The following CARS1 variants were observed in gnomAD, a reference collection of about 807,000 sequenced individuals.
CARS1 encodes cysteinyl-tRNA synthetase 1.
CARS1 carries 48 observed loss-of-function variants against 106.2 expected under a neutral mutation model. The ratio of observed to expected loss-of-function variants is 0.45; its 90% CI spans 0.36 to 0.57. The LOEUF is 0.57. Among genes scored for constraint, CARS1 ranks in the 20% least tolerant of loss-of-function variants. The pLI, the probability that CARS1 is intolerant of heterozygous loss-of-function variation, is 0.00. For missense variants in CARS1, 968 were observed against 1,057.2 expected (o/e 0.92, Z 1.17); for synonymous variants, 409 against 403.4 (o/e 1.01, Z -0.17).
Position 3,001,970 on chromosome 11 carries a change from A to G in CARS1, c.2361T>C (p.Asn787=). The stretch of plus-strand genomic sequence containing the variant: ...AAGAGAAGGATGCTTACATGCTTAC[A>G]TTTTCATCAAACTTGGAGTATTTGT... The part of the protein sequence containing the change: ...ETDKYSKFDE[N]GLPTHDMEGK... The change falls in exon 22 of 23, where the codon AAT becomes AAC. Residue 787 remains asparagine (N), a splice_region_variant and synonymous_variant. Coordinates refer to ENST00000380525, the MANE Select transcript of CARS1 (RefSeq NM_001014437.3). The G allele has an allele frequency of 1.2e-6, 2 of 1,607,814 alleles. No individual in the cohort carries two copies. Among genetic ancestry groups the G allele is most frequent in the Non-Finnish European group, 1.7e-6 (2 of 1,174,296 alleles).
chr11:3,014,521 C>A (rs768922797), intron 17 of CARS1, among the ~76,000 whole-genome samples: 1 of 152,206 alleles, frequency 6.6e-6, no homozygotes, highest in South Asian at 2.1e-4. Flanking sequence ...CCACAGCAGC[C>A]GTTAAGATGA....
Position 3,048,104 on chromosome 11 carries a change from T to C in CARS1, c.26-103A>G. On this transcript the variant is annotated intron_variant, in intron 1 of 22. Coordinates refer to ENST00000380525, the MANE Select transcript of CARS1 (RefSeq NM_001014437.3). This position sits in a 1 kb window ranked among gnomAD's most constrained non-coding sequence, Gnocchi z 5.1. ...GATGGCACAGAACCAAGGAAAAAGGTGTTCAAGCCCTTCCCTGGACGCCAA... is the reference window on the plus strand; with the variant it reads ...GATGGCACAGAACCAAGGAAAAAGGCGTTCAAGCCCTTCCCTGGACGCCAA... 7.1e-7 allele frequency: 1 copy of C among 1,407,948 alleles called. No homozygotes were observed. The highest frequency in any genetic ancestry group is 9.6e-7 in the Non-Finnish European group (1 of 1,045,048). The allele number at this position is 1,407,948 out of a possible 1,614,324, so 87.2% of individuals were successfully genotyped here. A position where few individuals can be genotyped will look rare whatever the true frequency, so the allele number is the denominator to read the frequency against.
intron 14 of CARS1, 127 bp from the exon 15 acceptor site, chr11:3,018,081 G>A (rs1565042934): frequency 6.1e-6 from 4 of 652,696 alleles, no homozygotes; most frequent in East Asian, 2.7e-5. Context: ...TACACAAGTG[G>A]TCAGAAAGAA....
In CARS1 at chr11:3,018,465, G is replaced by A; in HGVS notation, c.1572C>T (p.Thr524=). Residue 524 remains threonine, a synonymous_variant, in exon 14 of 23, where the codon ACC becomes ACT. Coordinates refer to ENST00000380525, the MANE Select transcript of CARS1 (RefSeq NM_001014437.3). ...CCATGGTGTTGCTGGAGTAGTCCAG[G>A]GTGTCCTTCCACGAGTGCATGAGGA... ...LAFLMHSWKD[T]LDYSSNTMES... is the part of the protein sequence containing the mutation. 5.6e-6 allele frequency: 9 copies of A among 1,614,096 alleles called. No homozygotes were observed. The highest frequency in any genetic ancestry group is 7.6e-6 in the Non-Finnish European group (9 of 1,179,984).
Position 3,019,178 on chromosome 11 carries a change from GA to G in CARS1, c.1355del (p.Leu452ProfsTer32). 1 of 1,528,756 alleles carries G rather than the reference GA, an allele frequency of 6.5e-7. No individual in the cohort carries two copies. The highest frequency in any genetic ancestry group is 2.3e-5 in the Admixed American group (1 of 43,910). The allele number at this position is 1,528,756 out of a possible 1,614,324, so 94.7% of individuals were successfully genotyped here. On this transcript the variant is annotated frameshift_variant, in exon 12 of 23. Coordinates refer to ENST00000380525, the MANE Select transcript of CARS1 (RefSeq NM_001014437.3). LOFTEE classifies it high-confidence loss of function. This position sits in a 1 kb window ranked among gnomAD's most constrained non-coding sequence, Gnocchi z 6.2. ...SMDIHGGGFDLRFPHHDNELA... is the reference protein window; with the variant it reads ...SMDIHGGGFDXRFPHHDNELA... Reference sequence around the variant, plus strand: ...GCTCATTGTCATGGTGGGGGAACCGGAGGTCGAACCCACCTCCGTGAATGTC... The same window carrying G: ...GCTCATTGTCATGGTGGGGGAACCGGGGTCGAACCCACCTCCGTGAATGTC...
In CARS1 at chr11:3,028,255, C is replaced by G. The variant is rs138266176; in HGVS notation, c.1031+741G>C. 14,518 of 464,352 alleles carry G rather than the reference C, an allele frequency of 0.031. 314 individuals are homozygous for G. Among genetic ancestry groups the G allele is most frequent in the Non-Finnish European group, 0.043 (10,637 of 248,036 alleles). 28.8% of individuals were successfully genotyped at this position (464,352 alleles called of 1,614,324 possible). On this transcript the variant is annotated intron_variant, in intron 9 of 22. Transcript: ENST00000380525. The surrounding 1 kb of genome is among the most constrained non-coding windows in gnomAD (Gnocchi z 4.4). ...ATGGCTCACTCTCCTTAACCTACCC[C>G]TTTGTCTTGTATCCAATAAATATCA...
In CARS1 at chr11:3,017,968, A is replaced by G. The variant is rs539620392; in HGVS notation, c.1630-14T>C. The G allele has an allele frequency of 6.3e-7, 1 of 1,590,422 alleles. No individual in the cohort carries two copies. The highest frequency in any genetic ancestry group is 1.3e-5 in the African/African-American group (1 of 74,530). ...TAAGAAAAACTCCTGAAGTTAGAAAAATCAGTTTAACAGCATTTAGGCAAC... is the reference window on the plus strand; with the variant it reads ...TAAGAAAAACTCCTGAAGTTAGAAAGATCAGTTTAACAGCATTTAGGCAAC... On this transcript the variant is annotated splice_polypyrimidine_tract_variant and intron_variant, in intron 14 of 22. Transcript: ENST00000380525. This position sits in a 1 kb window ranked among gnomAD's most constrained non-coding sequence, Gnocchi z 4.9.
In CARS1 at chr11:3,039,028, G is replaced by A. The variant is rs1358955378; in HGVS notation, c.651+166C>T. On this transcript the variant is annotated intron_variant, in intron 6 of 22. Transcript: ENST00000380525. This position sits in a 1 kb window ranked among gnomAD's most constrained non-coding sequence, Gnocchi z 5.6. Reference sequence around the variant, plus strand: ...GCTGGTGACTTTGTCACAGGCCAGGGGACCTTACCTATGGAGACTTCAGCG... The same window carrying A: ...GCTGGTGACTTTGTCACAGGCCAGGAGACCTTACCTATGGAGACTTCAGCG... 1.3e-5 allele frequency among the ~76,000 whole-genome samples: 2 copies of A among 152,192 alleles called. No homozygotes were observed. Among genetic ancestry groups the A allele is most frequent in the African/African-American group, 4.8e-5 (2 of 41,456 alleles).
chr11:3,028,162 C>A lies in CARS1; in HGVS notation c.1031+834G>T. On this transcript the variant is annotated intron_variant, in intron 9 of 22. Coordinates refer to ENST00000380525, the MANE Select transcript of CARS1 (RefSeq NM_001014437.3). The surrounding 1 kb of genome is among the most constrained non-coding windows in gnomAD (Gnocchi z 4.4). ...TGTCTCCTCTCTCTCTCTGCCTTGGCTGCCAGGCAGGGAAGGGCCCCCTGT... is the reference window on the plus strand; with the variant it reads ...TGTCTCCTCTCTCTCTCTGCCTTGGATGCCAGGCAGGGAAGGGCCCCCTGT... 1 of 309,058 alleles carries A rather than the reference C, an allele frequency of 3.2e-6. No individual in the cohort carries two copies. Among genetic ancestry groups the A allele is most frequent in the Admixed American group, 4.5e-5 (1 of 22,164 alleles). The allele number at this position is 309,058 out of a possible 1,614,324, so 19.1% of individuals were successfully genotyped here.
In CARS1 at chr11:3,039,959, C is replaced by T; in HGVS notation, c.456-28G>A. 1 of 1,184,040 alleles carries T rather than the reference C, an allele frequency of 8.4e-7. No homozygotes were observed. The highest frequency in any genetic ancestry group is 1.2e-6 in the Non-Finnish European group (1 of 812,640). The allele number at this position is 1,184,040 out of a possible 1,614,324, so 73.3% of individuals were successfully genotyped here. A position where few individuals can be genotyped will look rare whatever the true frequency, so the allele number is the denominator to read the frequency against. On this transcript the variant is annotated intron_variant, in intron 4 of 22. Coordinates refer to ENST00000380525, the MANE Select transcript of CARS1 (RefSeq NM_001014437.3). The surrounding 1 kb of genome is among the most constrained non-coding windows in gnomAD (Gnocchi z 5.6). Reference sequence around the variant, plus strand: ...AAAGCAATGAAAAAACAAACATTTCCACACCAGACGATATGTATAGCTTAA... The same window carrying T: ...AAAGCAATGAAAAAACAAACATTTCTACACCAGACGATATGTATAGCTTAA...
chr11:3,029,200 T>C lies in CARS1; in HGVS notation c.942+103A>G. ...ATTATGCCCCTCAACTCAAGTTCAA[T>C]GTTGACTTGGCCGCTTAATTGAGCT... On this transcript the variant is annotated intron_variant, in intron 8 of 22. Coordinates refer to ENST00000380525, the MANE Select transcript of CARS1 (RefSeq NM_001014437.3). The surrounding 1 kb of genome is among the most constrained non-coding windows in gnomAD (Gnocchi z 5.9). 4 of 1,473,356 alleles carry C rather than the reference T, an allele frequency of 2.7e-6. No individual in the cohort carries two copies. Among genetic ancestry groups the C allele is most frequent in the Non-Finnish European group, 3.8e-6 (4 of 1,056,258 alleles). 91.3% of individuals were successfully genotyped at this position (1,473,356 alleles called of 1,614,324 possible).
chr11:3,049,703 C>T (rs1441913715), intron 1 of CARS1, among the ~76,000 whole-genome samples: 1 of 152,212 alleles, frequency 6.6e-6, no homozygotes, highest in Non-Finnish European at 1.5e-5. Context: ...CCTTCCTGGG[C>T]ACAGGCTGCC....
chr11:3,012,502 G>A (rs1216345406), intron 17 of CARS1, among the ~76,000 whole-genome samples: 2 of 152,244 alleles, frequency 1.3e-5, no homozygotes, highest in South Asian at 2.1e-4. Context: ...AGAGCATGAA[G>A]TGAGCTTCCT....
chr11:3,003,154 T>C lies in CARS1; in HGVS notation c.2218-554A>G, dbSNP rs12284275. Among the ~76,000 whole-genome samples the C allele has an allele frequency of 0.38, 58,117 of 152,020 alleles. 11,412 individuals are homozygous for C. The highest frequency in any genetic ancestry group is 0.4 in the South Asian group (1,935 of 4,818). ...AGTCTGATGCTGCAGGGAGAGCTTA[T>C]TAGTGGAGCCAGCAGGCTGGGTGCC... is the stretch of plus-strand genomic sequence containing the variant. On this transcript the variant is annotated intron_variant, in intron 20 of 22. Coordinates refer to ENST00000380525, the MANE Select transcript of CARS1 (RefSeq NM_001014437.3). The surrounding 1 kb of genome is among the most constrained non-coding windows in gnomAD (Gnocchi z 4.8).
chr11:3,057,048 G>A (rs888703888), intron 1 of CARS1, among the ~76,000 whole-genome samples: 5 of 151,908 alleles, frequency 3.3e-5, no homozygotes, highest in African/African-American at 1.2e-4. Context: ...ATCCTAGGAC[G>A]TGCCACCCCT....
At chr11:3,051,416 A>G (rs1336822241) in intron 1 of CARS1, among the ~76,000 whole-genome samples, 1 of 152,170 alleles carries the variant, frequency 6.6e-6, no homozygotes, top group South Asian at 2.1e-4. Flanking sequence ...GGCTGCTTAC[A>G]TGGAGATGCG....
intron 18 of CARS1, among the ~76,000 whole-genome samples, chr11:3,011,371 C>T (rs1461993401): frequency 6.6e-6 from 1 of 151,508 alleles, no homozygotes; most frequent in Non-Finnish European, 1.5e-5. Context: ...TTTGGGAGGC[C>T]GAGGCGGGTG....
chr11:3,039,179 C>G lies in CARS1; in HGVS notation c.651+15G>C, dbSNP rs1346421019. The G allele has an allele frequency of 1.3e-6, 2 of 1,567,478 alleles. No individual in the cohort carries two copies. The highest frequency in any genetic ancestry group is 2.2e-5 in the South Asian group (2 of 90,004). ...CAAAGGGCTCGGTTTCTAGAGCAGA[C>G]AGCAAGAGGCCCACCTTCAGGGCGG... On this transcript the variant is annotated intron_variant, in intron 6 of 22. Transcript: ENST00000380525. This position sits in a 1 kb window ranked among gnomAD's most constrained non-coding sequence, Gnocchi z 5.6.
chr11:3,041,840 A>T lies in CARS1; in HGVS notation c.366+325T>A, dbSNP rs947245637. Among the ~76,000 whole-genome samples the T allele has an allele frequency of 5.9e-5, 9 of 152,108 alleles. No homozygotes were observed. The highest frequency in any genetic ancestry group is 1.3e-4 in the Non-Finnish European group (9 of 68,016). On this transcript the variant is annotated intron_variant, in intron 3 of 22. Coordinates refer to ENST00000380525, the MANE Select transcript of CARS1 (RefSeq NM_001014437.3). This position sits in a 1 kb window ranked among gnomAD's most constrained non-coding sequence, Gnocchi z 4.9. Reference sequence around the variant, plus strand: ...CCTGCTGCAACCACGCGTCCTCCTGAAAGGCGTGGCTGTGGATGACCTCAA... The same window carrying T: ...CCTGCTGCAACCACGCGTCCTCCTGTAAGGCGTGGCTGTGGATGACCTCAA...
Sources: gnomAD v4.1 joint callset for allele counts (sites outside exome capture counted in the v4.1 genomes callset) on GRCh38, gnomAD v4.1.1 for gene constraint, Gnocchi (gnomAD v3.1) non-coding constraint, MANE v1.5 for transcripts, NCBI Gene and HGNC (gene_info 2026-07-23, HGNC 2026-07-21) for gene names.